ACOT1: variants seen among roughly 807,000 people sequenced by gnomAD.
ACOT1 encodes the protein acyl-coenzyme A thioesterase 1.
Under a neutral mutation model 15.7 loss-of-function variants are expected in ACOT1, and 8 were observed. The ratio of observed to expected loss-of-function variants is 0.51; its 90% CI spans 0.30 to 0.92. ACOT1 has a LOEUF of 0.92. Among genes scored for constraint, ACOT1 ranks in the 40% least tolerant of loss-of-function variants. The pLI is 0.06. For synonymous variants in ACOT1, 67 were observed against 241.2 expected, an observed-to-expected ratio of 0.28 and a Z score of 6.69; for missense variants, 151 against 539.4, an observed-to-expected ratio of 0.28 and a Z score of 7.13.
At chr14:73,500,806 C>T in the ACOT1 span, 3 of 1,398,726 alleles carry the variant, frequency 2.1e-6, no homozygotes, top group African/African-American at 1.4e-5. Flanking sequence ...CTAATGCCCT[C>T]ATGATAAAAT....
At chr14:73,523,802 C>G in the ACOT1 span, among the ~76,000 whole-genome samples, 1 of 152,150 alleles carries the variant, frequency 6.6e-6, no homozygotes, top group Admixed American at 6.6e-5. Flanking sequence ...CCTATCCAGG[C>G]CACCAGGTCA....
the ACOT1 span, chr14:73,495,162 C>T: frequency 6.9e-7 from 1 of 1,455,566 alleles, no homozygotes; most frequent in African/African-American, 1.4e-5. Flanking sequence ...AGTCCCAAAA[C>T]ATCCAGATCC....
At position 73,542,189 on chromosome 14, in the gene ACOT1, G is replaced by T. The variant is rs1433686681; in HGVS notation, c.660+494G>T. Among the ~76,000 whole-genome samples the T allele has an allele frequency of 2.8e-5, 3 of 107,784 alleles. 1 individual carries two copies. Among genetic ancestry groups the T allele is most frequent in the African/African-American group, 9.4e-5 (3 of 31,948 alleles). 70.7% of individuals were successfully genotyped at this position (107,784 alleles called of 152,430 possible). A position where few individuals can be genotyped will look rare whatever the true frequency, so the allele number is the denominator to read the frequency against. On this transcript the variant is annotated intron_variant, in intron 2 of 2. Coordinates refer to ENST00000311148, the MANE Select transcript of ACOT1 (RefSeq NM_001037161.2). The stretch of plus-strand genomic sequence containing the variant: ...TATTTTTTTTTTTTAGTAGAGATGG[G>T]GTTTCGCCATGTTGGCCAGGCTGGT...
the ACOT1 span, among the ~76,000 whole-genome samples, chr14:73,521,775 A>G: frequency 6.6e-6 from 1 of 152,222 alleles, no homozygotes; most frequent in Non-Finnish European, 1.5e-5. Flanking sequence ...AGAGTAAGGC[A>G]GGACCAAACC....
upstream of ACOT1, among the ~76,000 whole-genome samples, chr14:73,534,672 CAGTG>C (rs1421281027): frequency 8.8e-6 from 1 of 114,074 alleles, no homozygotes; most frequent in African/African-American, 2.9e-5. Flanking sequence ...CTGGGTAACA[CAGTG>C]AGACACCCCG....
the ACOT1 span, among the ~76,000 whole-genome samples, chr14:73,493,708 C>A: frequency 6.6e-6 from 1 of 152,090 alleles, no homozygotes; most frequent in Admixed American, 6.6e-5. Flanking sequence ...CATAGTGGTG[C>A]GTGCCTGTAA....
At chr14:73,502,427 A>G in the ACOT1 span, among the ~76,000 whole-genome samples, 2 of 152,066 alleles carry the variant, frequency 1.3e-5, no homozygotes, top group African/African-American at 2.4e-5. Context: ...TGGGCACTCA[A>G]TGCTTCTTTC....
the ACOT1 span, chr14:73,514,285 G>A: frequency 6.6e-7 from 1 of 1,505,492 alleles, no homozygotes. Context: ...CTTAGGCCCT[G>A]CCACACAGTG....
chr14:73,490,949 G>T, the ACOT1 span: 1 of 1,283,090 alleles, frequency 7.8e-7, no homozygotes, highest in Non-Finnish European at 9.9e-7. Context: ...CACCGCAGCC[G>T]CTGCATTCAG....
upstream of ACOT1, among the ~76,000 whole-genome samples, chr14:73,536,315 A>C (rs1595152130): frequency 1.8e-5 from 2 of 110,760 alleles, no homozygotes; most frequent in South Asian, 5.9e-4. Flanking sequence ...AAAAAAAAAA[A>C]CCACCTCTGG....
chr14:73,522,779 G>C, the ACOT1 span: 2 of 1,614,072 alleles, frequency 1.2e-6, no homozygotes, highest in South Asian at 2.2e-5. Context: ...TAAGGGACTT[G>C]AGGAACCCAG....
intron 1 of ACOT1, chr14:73,539,579 C>G (rs1432880899): frequency 8.6e-6 from 1 of 115,898 alleles, no homozygotes; most frequent in Non-Finnish European, 1.9e-5. Context: ...TAGGGAAAAG[C>G]CTAGGGCTTC....
chr14:73,532,755 C>T (rs926248564), upstream of ACOT1, among the ~76,000 whole-genome samples: 1 of 114,040 alleles, frequency 8.8e-6, no homozygotes, highest in African/African-American at 2.9e-5. Flanking sequence ...GAGATTGAAA[C>T]CATCCTAGCT....
the ACOT1 span, chr14:73,500,638 C>T: frequency 1.2e-6 from 2 of 1,614,208 alleles, no homozygotes; most frequent in African/African-American, 2.7e-5. Context: ...GTGCAGGAAG[C>T]TTGGGAGAAG....
chr14:73,503,829 A>G, the ACOT1 span, among the ~76,000 whole-genome samples: 1 of 152,136 alleles, frequency 6.6e-6, no homozygotes, highest in Non-Finnish European at 1.5e-5. Context: ...CAGAAACTGC[A>G]TGCTTACTGA....
chr14:73,496,131 C>T, the ACOT1 span, among the ~76,000 whole-genome samples: 6 of 151,474 alleles, frequency 4.0e-5, no homozygotes, highest in East Asian at 1.9e-4. Flanking sequence ...CTGTCCCCCC[C>T]TCAAAAAAAA....
At chr14:73,519,098 G>A in the ACOT1 span, 63 of 1,613,822 alleles carry the variant, frequency 3.9e-5, no homozygotes, top group Middle Eastern at 1.6e-4. Flanking sequence ...TTGTTGTACC[G>A]ATTTAGGTTT....
chr14:73,511,242 G>C, the ACOT1 span, among the ~76,000 whole-genome samples: 1 of 152,114 alleles, frequency 6.6e-6, no homozygotes, highest in Non-Finnish European at 1.5e-5. Flanking sequence ...GTCAGGTGCG[G>C]TGGCTCATGC....
the ACOT1 span, chr14:73,509,567 T>C: frequency 7.8e-7 from 1 of 1,288,696 alleles, no homozygotes; most frequent in Non-Finnish European, 1.1e-6. Context: ...CCAACCTCAG[T>C]CCCAGCTGCA....
Sources: allele counts gnomAD v4.1 joint callset (sites outside exome capture counted in the v4.1 genomes callset), GRCh38; gene constraint gnomAD v4.1.1; transcripts MANE v1.5; gene names NCBI Gene and HGNC (gene_info 2026-07-23, HGNC 2026-07-21).